The following PTPRD variants were observed in gnomAD, a reference collection of about 807,000 sequenced individuals.
PTPRD encodes the protein receptor-type tyrosine-protein phosphatase delta.
In PTPRD, 34 loss-of-function variants were observed where a neutral mutation model predicts 214.5. The observed-to-expected ratio is 0.16, with a 90% CI of 0.12 to 0.21. The LOEUF is 0.21. PTPRD is among the 10% of genes least tolerant of loss of function. The pLI is 1.00. For synonymous variants in PTPRD, 1,128 were observed against 845.7 expected (o/e 1.33, Z -5.79); for missense variants, 2,545 against 2,398.7 (o/e 1.06, Z -1.27).
At chr9:10,348,189 G>C (rs1390133838) in intron 2 of PTPRD, among the ~76,000 whole-genome samples, 1 of 152,092 alleles carries the variant, frequency 6.6e-6, no homozygotes, top group South Asian at 2.1e-4. Context: ...CTCCTTCCCA[G>C]TTATCCTTCC....
Position 10,301,921 on chromosome 9 carries a change from C to T in PTPRD, c.-545+39042G>A, listed in dbSNP as rs562074815. On this transcript the variant is annotated intron_variant, in intron 3 of 45. Coordinates refer to ENST00000381196, the MANE Select transcript of PTPRD (RefSeq NM_002839.4). ...ATTCAAATTCAGGAAATACAGAGAA[C>T]ACCACAAAGATACTCCTTGAGAAGA... is the stretch of plus-strand genomic sequence containing the variant. Among the ~76,000 whole-genome samples the T allele has an allele frequency of 2.0e-5, 3 of 152,202 alleles. No homozygotes were observed. The East Asian group carries it at 5.8e-4, about 29-fold the overall frequency.
intron 14 of PTPRD, among the ~76,000 whole-genome samples, chr9:8,540,115 T>G (rs1032698691): frequency 2.0e-5 from 3 of 152,164 alleles, no homozygotes; most frequent in African/African-American, 7.2e-5. Context: ...TGTACTGTAG[T>G]TTCTACTTTT....
At chr9:10,297,264 G>A (rs925748929) in intron 3 of PTPRD, among the ~76,000 whole-genome samples, 1 of 151,432 alleles carries the variant, frequency 6.6e-6, no homozygotes, top group Non-Finnish European at 1.5e-5. Context: ...TTAATTTGTG[G>A]CACCATCTAT....
intron 10 of PTPRD, among the ~76,000 whole-genome samples, chr9:9,177,811 G>A (rs766863952): frequency 6.6e-6 from 1 of 152,060 alleles, no homozygotes; most frequent in Non-Finnish European, 1.5e-5. Flanking sequence ...TTTTATAAAG[G>A]CATCTTAAAA....
chr9:10,120,800 C>T (rs983877397), intron 3 of PTPRD, among the ~76,000 whole-genome samples: 1 of 152,052 alleles, frequency 6.6e-6, no homozygotes, highest in Non-Finnish European at 1.5e-5. Flanking sequence ...CTCTGACTCA[C>T]TTATCTTAAT....
Position 8,633,314 on chromosome 9 carries a change from T to TA in PTPRD, c.352+2dup. ...AAACGACAACCTTCACTTGAGCACT[T>TA]ACCCCGCAAAACTGTGAGTCTGGTG... is the stretch of plus-strand genomic sequence containing the variant. On this transcript the variant is annotated splice_region_variant and intron_variant, in intron 14 of 45. Coordinates refer to ENST00000381196, the MANE Select transcript of PTPRD (RefSeq NM_002839.4). 6.2e-7 allele frequency: 1 copy of TA among 1,610,372 alleles called. No individual in the cohort carries two copies. The highest frequency in any genetic ancestry group is 8.5e-7 in the Non-Finnish European group (1 of 1,178,182).
intron 3 of PTPRD, among the ~76,000 whole-genome samples, chr9:10,241,889 A>T (rs1050341065): frequency 1.3e-5 from 2 of 151,978 alleles, no homozygotes; most frequent in African/African-American, 4.8e-5. Flanking sequence ...CTATGAAGGT[A>T]AGTTGTTAAG....
intron 2 of PTPRD, among the ~76,000 whole-genome samples, chr9:10,448,581 T>C (rs1177869831): frequency 6.6e-6 from 1 of 151,998 alleles, no homozygotes; most frequent in African/African-American, 2.4e-5. Context: ...CCGGTAGTGG[T>C]TTAAACTTTA....
At chr9:10,012,720 G>C (rs1330087038) in intron 4 of PTPRD, among the ~76,000 whole-genome samples, 1 of 151,750 alleles carries the variant, frequency 6.6e-6, no homozygotes. Flanking sequence ...TCAATATTTG[G>C]GTCATGTGTT....
At chr9:10,228,837 T>G (rs372423936) in intron 3 of PTPRD, among the ~76,000 whole-genome samples, 2 of 151,468 alleles carry the variant, frequency 1.3e-5, no homozygotes, top group Non-Finnish European at 2.9e-5. Flanking sequence ...AGTTTATCTC[T>G]GCTTATAGAT....
intron 12 of PTPRD, among the ~76,000 whole-genome samples, chr9:8,675,742 G>A (rs565403716): frequency 6.6e-6 from 1 of 152,020 alleles, no homozygotes; most frequent in South Asian, 2.1e-4. Flanking sequence ...CCATCACCTT[G>A]TCTCCACCCC....
intron 2 of PTPRD, among the ~76,000 whole-genome samples, chr9:10,532,923 A>C (rs1340306319): frequency 6.6e-6 from 1 of 151,994 alleles, no homozygotes; most frequent in Admixed American, 6.6e-5. Flanking sequence ...ACCAAAACTC[A>C]TGCTGATACA....
chr9:10,014,585 A>G (rs1174893700), intron 4 of PTPRD, among the ~76,000 whole-genome samples: 1 of 152,040 alleles, frequency 6.6e-6, no homozygotes, highest in African/African-American at 2.4e-5. Context: ...TAACACTTTC[A>G]GTATATTTTA....
chr9:10,434,285 T>A (rs2098702745), intron 2 of PTPRD, among the ~76,000 whole-genome samples: 1 of 152,000 alleles, frequency 6.6e-6, no homozygotes, highest in East Asian at 1.9e-4. Context: ...AATGAAAAGG[T>A]ACCTCAAGGC....
intron 5 of PTPRD, among the ~76,000 whole-genome samples, chr9:9,863,710 G>A (rs537734687): frequency 3.3e-5 from 5 of 152,122 alleles, no homozygotes; most frequent in African/African-American, 1.2e-4. Context: ...GGCTATTGGA[G>A]ATGAAAAGAG....
intron 3 of PTPRD, among the ~76,000 whole-genome samples, chr9:10,141,052 C>T (rs1022689715): frequency 2.0e-5 from 3 of 152,094 alleles, no homozygotes; most frequent in African/African-American, 7.2e-5. Context: ...TTCAACAACC[C>T]TTCATGCTAA....
At chr9:10,487,465 A>G (rs2099139992) in intron 2 of PTPRD, among the ~76,000 whole-genome samples, 1 of 152,164 alleles carries the variant, frequency 6.6e-6, no homozygotes. Flanking sequence ...TTGATACATT[A>G]TAAGTTTTTG....
chr9:10,591,390 T>C (rs184760349), intron 2 of PTPRD, among the ~76,000 whole-genome samples: 28 of 152,194 alleles, frequency 1.8e-4, no homozygotes, highest in African/African-American at 6.5e-4. Flanking sequence ...CAAATGCTCT[T>C]GTGGAGCTAT....
At chr9:9,001,242 A>G (rs997204893) in intron 11 of PTPRD, among the ~76,000 whole-genome samples, 2 of 151,988 alleles carry the variant, frequency 1.3e-5, no homozygotes, top group African/African-American at 4.8e-5. Flanking sequence ...ATTTCCCCAC[A>G]TGTTTACACT....
Sources: gnomAD v4.1 joint callset for allele counts (sites outside exome capture counted in the v4.1 genomes callset) on GRCh38, gnomAD v4.1.1 for gene constraint, MANE v1.5 for transcripts, NCBI Gene and HGNC (gene_info 2026-07-23, HGNC 2026-07-21) for gene names.